MEF2C: variants seen among roughly 807,000 people sequenced by gnomAD.
MEF2C encodes the protein myocyte enhancer factor 2C.
MEF2C carries 6 observed loss-of-function variants against 50.5 expected under a neutral mutation model. The ratio of observed to expected loss-of-function variants is 0.12; its 90% CI spans 0.07 to 0.23. The LOEUF is 0.23. Among genes scored for constraint, MEF2C ranks in the 10% least tolerant of loss-of-function variants. The pLI, the probability that MEF2C is intolerant of heterozygous loss-of-function variation, is 1.00. For synonymous variants in MEF2C, 183 were observed against 228.0 expected, an observed-to-expected ratio of 0.80 and a Z score of 1.78; for missense variants, 276 against 605.0, an observed-to-expected ratio of 0.46 and a Z score of 5.70.
chr5:88,741,242 T>C, intron 6 of MEF2C: 1 of 985,378 alleles, frequency 1.0e-6, no homozygotes, highest in Non-Finnish European at 1.2e-6. Flanking sequence ...CCAGAAAGGC[T>C]AGAAAATCAA....
chr5:88,894,687 G>T (rs1834931771), intron 1 of MEF2C, among the ~76,000 whole-genome samples: 1 of 152,140 alleles, frequency 6.6e-6, no homozygotes, highest in Admixed American at 6.5e-5. Context: ...ACTAATTGAA[G>T]ATATAAAAGA....
At chr5:88,789,414 T>C (rs1792659126) in intron 3 of MEF2C, among the ~76,000 whole-genome samples, 1 of 152,062 alleles carries the variant, frequency 6.6e-6, no homozygotes, top group Non-Finnish European at 1.5e-5. Flanking sequence ...GTAATCCTCC[T>C]GTCTCAGCCT....
At chr5:88,795,293 G>A (rs1423965793) in intron 3 of MEF2C, among the ~76,000 whole-genome samples, 3 of 152,100 alleles carry the variant, frequency 2.0e-5, no homozygotes, top group Middle Eastern at 3.4e-3. Flanking sequence ...GTGTTTTTCC[G>A]TTTGTTTGTG....
chr5:88,779,806 T>C (rs1786921138), intron 3 of MEF2C, among the ~76,000 whole-genome samples: 1 of 151,240 alleles, frequency 6.6e-6, no homozygotes, highest in Non-Finnish European at 1.5e-5. Context: ...TAATGGTGGT[T>C]TCTAATGGAA....
At chr5:88,848,891 G>A (rs984268779) in intron 1 of MEF2C, among the ~76,000 whole-genome samples, 1 of 152,016 alleles carries the variant, frequency 6.6e-6, no homozygotes, top group Admixed American at 6.6e-5. Context: ...GGTGGCTAAC[G>A]CATGTAATCC....
chr5:88,820,810 G>A (rs1028986589), intron 2 of MEF2C, among the ~76,000 whole-genome samples: 1 of 151,996 alleles, frequency 6.6e-6, no homozygotes, highest in Non-Finnish European at 1.5e-5. Flanking sequence ...TTGTTTATTA[G>A]AAGTGACCTA....
chr5:88,739,757 A>AT, intron 6 of MEF2C: 2 of 984,832 alleles, frequency 2.0e-6, no homozygotes, highest in Non-Finnish European at 2.4e-6. Flanking sequence ...AAAAAAAGAT[A>AT]TTTTACATTG....
intron 3 of MEF2C, among the ~76,000 whole-genome samples, chr5:88,793,205 G>A (rs1046423728): frequency 2.6e-4 from 40 of 152,172 alleles, no homozygotes; most frequent in Non-Finnish European, 4.4e-5. Context: ...GTGTAATTGG[G>A]ACCTGACTTG....
chr5:88,733,323 G>A, intron 6 of MEF2C: 1 of 985,316 alleles, frequency 1.0e-6, no homozygotes, highest in Non-Finnish European at 1.2e-6. Flanking sequence ...AAAGAGAGGG[G>A]TGTCAGAGGC....
intron 1 of MEF2C, among the ~76,000 whole-genome samples, chr5:88,848,831 T>C (rs1363436683): frequency 6.6e-6 from 1 of 152,166 alleles, no homozygotes; most frequent in Non-Finnish European, 1.5e-5. Flanking sequence ...ACAAAGATTC[T>C]TCAATATTGG....
At chr5:88,885,842 T>C (rs1227895020), upstream of MEF2C, among the ~76,000 whole-genome samples, 2 of 152,238 alleles carry the variant, frequency 1.3e-5, no homozygotes, top group African/African-American at 4.8e-5. Flanking sequence ...TCAGCCCTGC[T>C]GTTTTTAATG....
At chr5:88,885,219 C>T (rs1405950267), upstream of MEF2C, among the ~76,000 whole-genome samples, 3 of 152,236 alleles carry the variant, frequency 2.0e-5, no homozygotes, top group South Asian at 2.1e-4. Context: ...TTCAAAAAGC[C>T]TCCTGCTTCA....
At chr5:88,799,451 T>G (rs1797366294) in intron 3 of MEF2C, among the ~76,000 whole-genome samples, 2 of 152,244 alleles carry the variant, frequency 1.3e-5, no homozygotes, top group South Asian at 4.1e-4. Context: ...TCAAGTAAAG[T>G]AGACATATTT....
chr5:88,899,525 CTT>C (rs1472860316), intron 1 of MEF2C, among the ~76,000 whole-genome samples: 5 of 152,154 alleles, frequency 3.3e-5, no homozygotes, highest in African/African-American at 7.2e-5. Context: ...CACAAAATGA[CTT>C]TGCAGTGAAA....
At chr5:88,737,944 G>A (rs1191977702) in intron 6 of MEF2C, 2 of 985,316 alleles carry the variant, frequency 2.0e-6, no homozygotes, top group African/African-American at 3.5e-5. Flanking sequence ...AACAATGATG[G>A]CAGTGGAAAG....
chr5:88,803,325 A>G (rs1197478341), intron 3 of MEF2C, among the ~76,000 whole-genome samples: 1 of 152,236 alleles, frequency 6.6e-6, no homozygotes, highest in African/African-American at 2.4e-5. Flanking sequence ...AAAATATAAT[A>G]ATCAGCTCAA....
intron 1 of MEF2C, among the ~76,000 whole-genome samples, chr5:88,869,304 T>TATATAC (rs1828738102): frequency 1.7e-5 from 2 of 116,556 alleles, no homozygotes; most frequent in African/African-American, 3.4e-5. Flanking sequence ...TACACATATA[T>TATATAC]ATATATATAT....
intron 1 of MEF2C, among the ~76,000 whole-genome samples, chr5:88,892,711 G>A (rs1351237625): frequency 1.3e-5 from 2 of 152,068 alleles, no homozygotes; most frequent in African/African-American, 2.4e-5. Flanking sequence ...TTAGCCACTT[G>A]GTTGCTGAAA....
intron 1 of MEF2C, among the ~76,000 whole-genome samples, chr5:88,896,967 G>A (rs949092674): frequency 2.1e-3 from 247 of 119,828 alleles, no homozygotes; most frequent in Non-Finnish European, 1.7e-3. Flanking sequence ...ACACACACAC[G>A]CACAACTGGT....
Sources: gnomAD v4.1 joint callset for allele counts (sites outside exome capture counted in the v4.1 genomes callset) on GRCh38, gnomAD v4.1.1 for gene constraint, MANE v1.5 for transcripts, NCBI Gene and HGNC (gene_info 2026-07-23, HGNC 2026-07-21) for gene names.